Variants in TENM3 observed in about 807,000 individuals in gnomAD.
TENM3 encodes teneurin-3.
Under a neutral mutation model 255.1 loss-of-function variants are expected in TENM3, and 63 were observed. The ratio of observed to expected loss-of-function variants is 0.25; its 90% CI spans 0.20 to 0.30. The LOEUF is 0.30. Among genes scored for constraint, TENM3 ranks in the 10% least tolerant of loss-of-function variants. TENM3 has a pLI of 1.00. For missense variants in TENM3, 2,929 were observed against 3,461.1 expected (o/e 0.85, Z 3.86); for synonymous variants, 1,306 against 1,322.3 (o/e 0.99, Z 0.27).
the TENM3 span, among the ~76,000 whole-genome samples, chr4:181,977,810 G>T: frequency 5.9e-5 from 9 of 152,180 alleles, no homozygotes; most frequent in Non-Finnish European, 1.2e-4. Flanking sequence ...CATCAGGGGT[G>T]AGGTGACCAT....
At chr4:181,686,292 T>C in the TENM3 span, among the ~76,000 whole-genome samples, 2 of 152,150 alleles carry the variant, frequency 1.3e-5, no homozygotes, top group Non-Finnish European at 2.9e-5. Context: ...GAGATGAACA[T>C]TTTCTTTGTG....
chr4:181,541,281 G>A, the TENM3 span, among the ~76,000 whole-genome samples: 21 of 152,226 alleles, frequency 1.4e-4, no homozygotes, highest in African/African-American at 5.1e-4. Context: ...TATGTGGGAG[G>A]CTGAGGTGGG....
At chr4:182,452,060 A>G (rs760798899) in intron 3 of TENM3, among the ~76,000 whole-genome samples, 2 of 152,350 alleles carry the variant, frequency 1.3e-5, no homozygotes, top group Non-Finnish European at 2.9e-5. Context: ...ATGCTTTATT[A>G]TGGATTTCTT....
chr4:182,340,200 T>A (rs1764400295), intron 2 of TENM3, among the ~76,000 whole-genome samples: 1 of 152,122 alleles, frequency 6.6e-6, no homozygotes, highest in African/African-American at 2.4e-5. Context: ...ATACCTAGGG[T>A]TTCCCTTTCT....
the TENM3 span, among the ~76,000 whole-genome samples, chr4:181,642,751 T>G: frequency 7.4e-3 from 1,121 of 152,316 alleles, 29 homozygotes; most frequent in Admixed American, 0.05. Context: ...ACATCATTTA[T>G]TAAATAGGGG....
the TENM3 span, among the ~76,000 whole-genome samples, chr4:181,508,575 A>G: frequency 6.6e-6 from 1 of 152,226 alleles, no homozygotes. Flanking sequence ...TCATTTGCAC[A>G]TGAGCTTTAA....
At chr4:182,215,879 C>T (rs962372866) in intron 1 of TENM3, among the ~76,000 whole-genome samples, 9 of 152,158 alleles carry the variant, frequency 5.9e-5, no homozygotes, top group African/African-American at 1.7e-4. Context: ...TTTCAGGACT[C>T]CCCTATGAAA....
At chr4:182,579,901 T>TA (rs1745322510) in intron 3 of TENM3, among the ~76,000 whole-genome samples, 1 of 152,202 alleles carries the variant, frequency 6.6e-6, no homozygotes, top group African/African-American at 2.4e-5. Flanking sequence ...TAGTGCTGGC[T>TA]ACAGAGGGAG....
the TENM3 span, among the ~76,000 whole-genome samples, chr4:181,671,597 G>A: frequency 3.3e-5 from 5 of 152,166 alleles, no homozygotes; most frequent in Non-Finnish European, 7.4e-5. Context: ...AAGCACCTTA[G>A]CACTTGGTGC....
rs964061741 is a variant in TENM3, at chr4:182,364,373, A to T, written c.511+17444A>T. Among the ~76,000 whole-genome samples the T allele has an allele frequency of 1.1e-4, 16 of 152,222 alleles. 1 individual carries two copies. The East Asian group carries it at 1.2e-3, about 11-fold the overall frequency. ...TTAATCTTTGTGTGTGTATATTTTT[A>T]AAAAAATAAACATTGCAACTTCAGT... On this transcript the variant is annotated intron_variant, in intron 3 of 27. Coordinates refer to ENST00000511685, the MANE Select transcript of TENM3 (RefSeq NM_001080477.4).
chr4:182,230,812 C>CTATATATATATATATATATA (rs55642239), intron 1 of TENM3, among the ~76,000 whole-genome samples: 1 of 58,064 alleles, frequency 1.7e-5, no homozygotes, highest in African/African-American at 8.1e-5. Flanking sequence ...GTTTCTCAAA[C>CTATATATATATATATATATA]TATATATATA....
chr4:182,753,456 C>T lies in TENM3; in HGVS notation c.3869C>T (p.Ala1290Val). Residue 1290 changes from alanine to valine, a missense_variant, in exon 21 of 28, where the codon GCA (alanine) becomes GTA (valine). Coordinates refer to ENST00000511685, the MANE Select transcript of TENM3 (RefSeq NM_001080477.4). ...TTGCTTCTCTCAAATACAGGAATGG[C>T]AGTTGATAAGAATGGATTAATCTAC... ...EATLMSPKGM[A>V]VDKNGLIYFV... 1 of 1,611,976 alleles carries T rather than the reference C, an allele frequency of 6.2e-7. No individual in the cohort carries two copies.
chr4:182,025,053 GA>G, the TENM3 span, among the ~76,000 whole-genome samples: 1 of 119,528 alleles, frequency 8.4e-6, no homozygotes, highest in South Asian at 2.5e-4. Flanking sequence ...TTTTGAGATG[GA>G]GTCTTGCTTT....
intron 3 of TENM3, among the ~76,000 whole-genome samples, chr4:182,483,739 C>T (rs1270632345): frequency 6.6e-6 from 1 of 152,084 alleles, no homozygotes; most frequent in Non-Finnish European, 1.5e-5. Flanking sequence ...CACAGTTCCA[C>T]AGGCTGTACA....
the TENM3 span, among the ~76,000 whole-genome samples, chr4:181,902,806 C>T: frequency 1.3e-5 from 2 of 152,034 alleles, no homozygotes; most frequent in Non-Finnish European, 2.9e-5. Flanking sequence ...AGATAAATAC[C>T]TAATGGGTGT....
the TENM3 span, among the ~76,000 whole-genome samples, chr4:181,985,717 A>G: frequency 6.6e-6 from 1 of 152,278 alleles, no homozygotes; most frequent in East Asian, 1.9e-4. Context: ...CAAAGCAACA[A>G]AATGTGGGGT....
At chr4:181,610,271 G>T in the TENM3 span, among the ~76,000 whole-genome samples, 7 of 152,162 alleles carry the variant, frequency 4.6e-5, no homozygotes, top group African/African-American at 1.7e-4. Flanking sequence ...CTAGCTGTGT[G>T]TCATTAGGTT....
the TENM3 span, among the ~76,000 whole-genome samples, chr4:181,686,171 A>AT: frequency 6.6e-6 from 1 of 152,318 alleles, no homozygotes; most frequent in South Asian, 2.1e-4. Context: ...CAGCAGCTGC[A>AT]GATAGTGGAA....
chr4:182,690,529 C>T (rs1316450951), intron 12 of TENM3, among the ~76,000 whole-genome samples: 2 of 152,082 alleles, frequency 1.3e-5, no homozygotes, highest in African/African-American at 2.4e-5. Context: ...ACCCGATACC[C>T]GATACATCAG....
Sources: gnomAD v4.1 joint callset for allele counts (sites outside exome capture counted in the v4.1 genomes callset) on GRCh38, gnomAD v4.1.1 for gene constraint, MANE v1.5 for transcripts, NCBI Gene and HGNC (gene_info 2026-07-23, HGNC 2026-07-21) for gene names.